The following ARHGAP26 variants were observed in gnomAD, a reference collection of about 807,000 sequenced individuals.
The protein encoded by ARHGAP26 is rho GTPase-activating protein 26.
A neutral mutation model predicts 104.8 loss-of-function variants in ARHGAP26; 38 were observed. The observed-to-expected ratio is 0.36, with a 90% CI of 0.28 to 0.48. The LOEUF (loss-of-function observed/expected upper bound fraction) is 0.48. Ranked by LOEUF, ARHGAP26 falls within the 20% of genes least tolerant of loss-of-function variation. The probability of loss-of-function intolerance (pLI) is 0.99; values close to 1 mark genes in which losing one functional copy is unlikely to be tolerated. For synonymous variants in ARHGAP26, 341 were observed against 340.0 expected, an observed-to-expected ratio of 1.00 and a Z score of -0.03; for missense variants, 704 against 947.9, an observed-to-expected ratio of 0.74 and a Z score of 3.38.
chr5:142,932,270 A>T, intron 11 of ARHGAP26, 145 bp downstream of exon 11: 1 of 686,370 alleles, frequency 1.5e-6, no homozygotes, highest in Non-Finnish European at 2.5e-6. Context: ...TCCTAGGTTT[A>T]TGTTTGTGGA....
At chr5:142,802,015 A>T (rs528990945) in intron 1 of ARHGAP26, among the ~76,000 whole-genome samples, 2 of 152,244 alleles carry the variant, frequency 1.3e-5, no homozygotes, top group East Asian at 3.9e-4. Context: ...ATCAGAGGGG[A>T]TCTGTTCCCT....
intron 1 of ARHGAP26, among the ~76,000 whole-genome samples, chr5:142,814,731 C>T (rs560289457): frequency 1.2e-4 from 19 of 152,364 alleles, no homozygotes; most frequent in Admixed American, 1.2e-3. Flanking sequence ...TGCTCATCAC[C>T]TGTGTGACCT....
intron 11 of ARHGAP26, among the ~76,000 whole-genome samples, chr5:142,942,411 T>G (rs946847351): frequency 3.3e-5 from 5 of 152,152 alleles, no homozygotes; most frequent in African/African-American, 1.2e-4. Flanking sequence ...AAACATGAAA[T>G]AAGATATCTG....
chr5:142,870,150 G>C (rs373451874), intron 1 of ARHGAP26, among the ~76,000 whole-genome samples: 1 of 152,140 alleles, frequency 6.6e-6, no homozygotes, highest in South Asian at 2.1e-4. Context: ...AGGGTTATAT[G>C]AGGAGGGTGC....
chr5:142,963,154 G>A (rs944573758), intron 11 of ARHGAP26, among the ~76,000 whole-genome samples: 5 of 122,460 alleles, frequency 4.1e-5, no homozygotes, highest in African/African-American at 1.9e-4. Flanking sequence ...TGGCTGTGTA[G>A]TATTCCATGG....
chr5:143,225,212 G>A lies in ARHGAP26; in HGVS notation c.*2766G>A, dbSNP rs1811559316. The A allele has an allele frequency of 1.0e-5, 2 of 192,092 alleles. No homozygotes were observed. Among genetic ancestry groups the A allele is most frequent in the African/African-American group, 4.7e-5 (2 of 42,976 alleles). The allele number at this position is 192,092 out of a possible 1,614,324, so 11.9% of individuals were successfully genotyped here. On this transcript the variant is annotated 3_prime_UTR_variant, in exon 23 of 23. Coordinates refer to ENST00000645722, the MANE Select transcript of ARHGAP26 (RefSeq NM_001135608.3). ...GTGTTTTTGTTTGTTTTTTGAGATG[G>A]AGTCTCACTCTGTGGCCCAGGCTGG...
intron 11 of ARHGAP26, among the ~76,000 whole-genome samples, chr5:142,968,107 C>T (rs1463069895): frequency 1.3e-5 from 2 of 152,170 alleles, no homozygotes; most frequent in African/African-American, 2.4e-5. Flanking sequence ...CCACCATTAC[C>T]ACCACCATCA....
At chr5:142,876,691 C>T (rs917583046) in intron 3 of ARHGAP26, among the ~76,000 whole-genome samples, 1 of 142,152 alleles carries the variant, frequency 7.0e-6, no homozygotes, top group Non-Finnish European at 1.5e-5. Context: ...GGAGGAGGAT[C>T]GCTTGTGCCA....
intron 17 of ARHGAP26, among the ~76,000 whole-genome samples, chr5:143,061,414 G>C (rs1035572093): frequency 8.5e-5 from 13 of 152,186 alleles, no homozygotes; most frequent in African/African-American, 3.1e-4. Flanking sequence ...TACCGTGTAT[G>C]CAGTGAGGAA....
At chr5:142,875,260 C>A in intron 3 of ARHGAP26, 89 bp downstream of exon 3, 1 of 1,254,544 alleles carries the variant, frequency 8.0e-7, no homozygotes, top group Non-Finnish European at 1.2e-6. Flanking sequence ...AGATTCAAAT[C>A]CAGACTCTGC....
chr5:143,025,836 T>G (rs1780975104), intron 12 of ARHGAP26, among the ~76,000 whole-genome samples: 1 of 152,228 alleles, frequency 6.6e-6, no homozygotes, highest in Admixed American at 6.5e-5. Flanking sequence ...GAACCTCCCC[T>G]GACTGTGGCT....
chr5:143,011,206 G>A (rs752627583), intron 11 of ARHGAP26, among the ~76,000 whole-genome samples: 3 of 151,288 alleles, frequency 2.0e-5, no homozygotes, highest in South Asian at 2.1e-4. Context: ...TAGCCCCCAC[G>A]TCTTCCCAAG....
chr5:143,202,182 C>T (rs1042296595), intron 20 of ARHGAP26: 2 of 151,808 alleles, frequency 1.3e-5, no homozygotes, highest in Non-Finnish European at 2.9e-5. Flanking sequence ...ATCCCTTTAC[C>T]ATTATTTAAT....
intron 20 of ARHGAP26, among the ~76,000 whole-genome samples, chr5:143,154,941 A>G (rs545543087): frequency 6.6e-6 from 1 of 152,184 alleles, no homozygotes; most frequent in South Asian, 2.1e-4. Context: ...TTTTACTAGA[A>G]TTGTCTCTAT....
chr5:142,862,590 G>A (rs144267731), intron 1 of ARHGAP26, among the ~76,000 whole-genome samples: 22 of 152,320 alleles, frequency 1.4e-4, no homozygotes, highest in African/African-American at 5.3e-4. Flanking sequence ...AGAAGTGGTG[G>A]TACTCAGATT....
intron 17 of ARHGAP26, among the ~76,000 whole-genome samples, chr5:143,108,835 A>G (rs1794405488): frequency 6.6e-6 from 1 of 152,220 alleles, no homozygotes; most frequent in South Asian, 2.1e-4. Context: ...GATTATGGTC[A>G]TGTCCATAGA....
intron 1 of ARHGAP26, among the ~76,000 whole-genome samples, chr5:142,808,815 G>A (rs1763533341): frequency 6.6e-6 from 1 of 152,078 alleles, no homozygotes; most frequent in South Asian, 2.1e-4. Flanking sequence ...GTGTACCATA[G>A]CTCCTGTCAG....
intron 11 of ARHGAP26, among the ~76,000 whole-genome samples, chr5:142,955,229 G>A (rs764646837): frequency 2.0e-5 from 3 of 152,112 alleles, no homozygotes; most frequent in Non-Finnish European, 4.4e-5. Context: ...GAGTTCGAGA[G>A]GTTGAGGCTG....
intron 1 of ARHGAP26, among the ~76,000 whole-genome samples, chr5:142,848,015 C>A (rs563841290): frequency 6.6e-5 from 10 of 152,312 alleles, no homozygotes; most frequent in African/African-American, 2.2e-4. Flanking sequence ...TGCCTACCAC[C>A]TGGGAGGGGC....
Sources: gnomAD v4.1 joint callset for allele counts (sites outside exome capture counted in the v4.1 genomes callset) on GRCh38, gnomAD v4.1.1 for gene constraint, MANE v1.5 for transcripts, NCBI Gene and HGNC (gene_info 2026-07-23, HGNC 2026-07-21) for gene names.